The following TLN1 variants were observed in gnomAD, a reference collection of about 807,000 sequenced individuals.
The protein encoded by TLN1 is talin-1.
In TLN1, 56 loss-of-function variants were observed where a neutral mutation model predicts 292.3. That is an observed-to-expected ratio of 0.19 (90% CI 0.15 to 0.24). The LOEUF (loss-of-function observed/expected upper bound fraction) is 0.24. TLN1 is among the 10% of genes least tolerant of loss of function. The pLI, the probability that TLN1 is intolerant of heterozygous loss-of-function variation, is 1.00. For missense variants in TLN1, 2,433 were observed against 3,248.2 expected (o/e 0.75, Z 6.10); for synonymous variants, 1,119 against 1,253.7 (o/e 0.89, Z 2.27).
chr9:35,712,030 G>A lies in TLN1; in HGVS notation c.3656C>T (p.Ala1219Val), dbSNP rs376939605. The A allele has an allele frequency of 2.7e-5, 44 of 1,613,886 alleles. No individual in the cohort carries two copies. The highest frequency in any genetic ancestry group is 3.7e-5 in the Non-Finnish European group (44 of 1,180,016). ...CGAGTCACTCAGGAGTCGCTTGCTGGCATCTCCAACTGCCCTCAGGGCATT... is the reference window on the plus strand; with the variant it reads ...CGAGTCACTCAGGAGTCGCTTGCTGACATCTCCAACTGCCCTCAGGGCATT... ...VDNALRAVGD[A>V]SKRLLSDSLP... The change falls in exon 28 of 57, where the codon GCC becomes GTC. Residue 1219 changes from alanine to valine, a missense_variant. By Grantham distance (64) the Ala-to-Val change is moderately conservative (BLOSUM62 0). Transcript: ENST00000314888.
rs1227892113 is a variant in TLN1, at chr9:35,725,669, C to T, written c.26G>A (p.Ser9Asn). Reference sequence around the variant, plus strand: ...CATCGTCTTCACCACATTCCCAATGCTGATCTTCAGTGAAAGTGCAACCAT... The same window carrying T: ...CATCGTCTTCACCACATTCCCAATGTTGATCTTCAGTGAAAGTGCAACCAT... MVALSLKI[S>N]IGNVVKTMQF... Residue 9 changes from serine to asparagine, a missense_variant, in exon 2 of 57, where the codon AGC becomes AAC. Physicochemically the swap from Ser to Asn is conservative, Grantham distance 46. Transcript: ENST00000314888. 1 of 1,613,924 alleles carries T rather than the reference C, an allele frequency of 6.2e-7. No individual in the cohort carries two copies. Among genetic ancestry groups the T allele is most frequent in the East Asian group, 2.2e-5 (1 of 44,876 alleles).
chr9:35,724,285 C>A lies in TLN1; in HGVS notation c.561G>T (p.Glu187Asp). 1 of 1,614,194 alleles carries A rather than the reference C, an allele frequency of 6.2e-7. No individual in the cohort carries two copies. Among genetic ancestry groups the A allele is most frequent in the Non-Finnish European group, 8.5e-7 (1 of 1,180,032 alleles). ...GRTLREQGVE[E>D]HETLLLRRKF... ...TCCTCCGCAGCAGCAGCGTCTCGTG[C>A]TCCTCTACACCCTGCTCCCTCAGTG... Residue 187 changes from glutamate (E) to aspartate (D), a missense_variant, in exon 6 of 57, where the codon GAG becomes GAT. Coordinates refer to ENST00000314888, the MANE Select transcript of TLN1 (RefSeq NM_006289.4). The surrounding 1 kb of genome is among the most constrained non-coding windows in gnomAD (Gnocchi z 4.7).
chr9:35,717,005 A>G lies in TLN1; in HGVS notation c.2458+141T>C. The G allele has an allele frequency of 1.1e-6, 1 of 875,932 alleles. No homozygotes were observed. The highest frequency in any genetic ancestry group is 1.7e-6 in the Non-Finnish European group (1 of 585,740). 54.3% of individuals were successfully genotyped at this position (875,932 alleles called of 1,614,324 possible). ...GAGGGTTCAGAGAGCTTTAATGATG[A>G]GCCTATGGTTGTGTGGCTGGCAAGC... On this transcript the variant is annotated intron_variant, in intron 19 of 56. Transcript: ENST00000314888. This position sits in a 1 kb window ranked among gnomAD's most constrained non-coding sequence, Gnocchi z 4.7.
Position 35,707,488 on chromosome 9 carries a change from C to A in TLN1, c.4633G>T (p.Ala1545Ser). 1 of 1,613,734 alleles carries A rather than the reference C, an allele frequency of 6.2e-7. No homozygotes were observed. Among genetic ancestry groups the A allele is most frequent in the Non-Finnish European group, 8.5e-7 (1 of 1,179,780 alleles). Residue 1545 changes from alanine (A) to serine (S), a missense_variant and splice_region_variant, in exon 36 of 57, where the codon GCG (alanine) becomes TCG (serine). By Grantham distance (99) the Ala-to-Ser change is moderately conservative. Around this residue, in one of 7 missense-constraint regions of TLN1, gnomAD observed 1,384 missense variants for 1,699.6 expected, o/e 0.81. Transcript: ENST00000314888. The surrounding 1 kb of genome is among the most constrained non-coding windows in gnomAD (Gnocchi z 5.6). Reference protein sequence around the residue: ...STANLVKTIKALDGAFTEENR... With the variant: ...STANLVKTIKSLDGAFTEENR... ...TCCTCTGTGAAGGCCCCATCTAGCGCCTAGAAGTGACAGAGAGGCTCTCAG... is the reference window on the plus strand; with the variant it reads ...TCCTCTGTGAAGGCCCCATCTAGCGACTAGAAGTGACAGAGAGGCTCTCAG...
chr9:35,723,075 C>T, intron 7 of TLN1, 154 bp from the exon 8 acceptor site: 1 of 587,160 alleles, frequency 1.7e-6, no homozygotes. Flanking sequence ...AGATTATCTT[C>T]TGAAATAGAG....
At chr9:35,700,971 C>G (rs367775495) in intron 48 of TLN1, among the ~76,000 whole-genome samples, 12 of 152,104 alleles carry the variant, frequency 7.9e-5, no homozygotes, top group Non-Finnish European at 1.6e-4. Context: ...AATAAACAAG[C>G]AGCAAAACTG....
At chr9:35,728,776 C>T (rs963635989) in intron 1 of TLN1, among the ~76,000 whole-genome samples, 1 of 152,206 alleles carries the variant, frequency 6.6e-6, no homozygotes, top group Non-Finnish European at 1.5e-5. Flanking sequence ...AGCAAGCATT[C>T]CTTGAGGGCC....
At position 35,719,742 on chromosome 9, in the gene TLN1, C is replaced by T. The variant is rs1409613714; in HGVS notation, c.1576G>A (p.Ala526Thr). 1 of 1,609,880 alleles carries T rather than the reference C, an allele frequency of 6.2e-7. No individual in the cohort carries two copies. Among genetic ancestry groups the T allele is most frequent in the Non-Finnish European group, 8.5e-7 (1 of 1,177,916 alleles). The change falls in exon 14 of 57, where the codon GCT becomes ACT. Residue 526 changes from alanine (A) to threonine (T), a missense_variant and splice_region_variant. Around this residue, in one of 7 missense-constraint regions of TLN1, gnomAD observed 617 missense variants for 770.6 expected, o/e 0.80. Coordinates refer to ENST00000314888, the MANE Select transcript of TLN1 (RefSeq NM_006289.4). The surrounding 1 kb of genome is among the most constrained non-coding windows in gnomAD (Gnocchi z 4.6). ...FDTLPPLGQD[A>T]ASKAWRKNKM... ...CCTCTCCTCCATCCCATACTTACAG[C>T]ATCCTGGCCAAGAGGCGGCAGAGTG...
Position 35,703,971 on chromosome 9 carries a change from T to C in TLN1, c.6231+20A>G, listed in dbSNP as rs762975210. 2.4e-5 allele frequency: 38 copies of C among 1,612,506 alleles called. No individual in the cohort carries two copies. The highest frequency in any genetic ancestry group is 1.9e-4 in the South Asian group (17 of 91,056). Reference sequence around the variant, plus strand: ...GACAGGAAGTGATTCCAGCCGGAATTAGGGGCATCAGGTCACTACCTGGGT... The same window carrying C: ...GACAGGAAGTGATTCCAGCCGGAATCAGGGGCATCAGGTCACTACCTGGGT... On this transcript the variant is annotated intron_variant, in intron 46 of 56. Transcript: ENST00000314888.
In TLN1 at chr9:35,699,645, G is replaced by A; in HGVS notation, c.6769-184C>T. The A allele has an allele frequency of 1.0e-6, 1 of 985,394 alleles. No homozygotes were observed. Among genetic ancestry groups the A allele is most frequent in the Non-Finnish European group, 1.2e-6 (1 of 829,940 alleles). The allele number at this position is 985,394 out of a possible 1,614,324, so 61.0% of individuals were successfully genotyped here. A position where few individuals can be genotyped will look rare whatever the true frequency, so the allele number is the denominator to read the frequency against. ...TCACACCTCACACGTGATAGAGACA[G>A]TGGGGCTGTGTCACTCACCGGCTGA... On this transcript the variant is annotated intron_variant, in intron 50 of 56. Coordinates refer to ENST00000314888, the MANE Select transcript of TLN1 (RefSeq NM_006289.4). This position sits in a 1 kb window ranked among gnomAD's most constrained non-coding sequence, Gnocchi z 4.0.
chr9:35,712,191 G>T, intron 27 of TLN1, 67 bp from the exon 28 acceptor site: 1 of 1,539,710 alleles, frequency 6.5e-7, no homozygotes, highest in Non-Finnish European at 8.8e-7. Flanking sequence ...CCATTCACGC[G>T]ACATGGGAGA....
intron 27 of TLN1, among the ~76,000 whole-genome samples, 186 bp downstream of exon 27, chr9:35,712,648 CA>C (rs1282155556): frequency 0.02 from 1,471 of 72,206 alleles, 10 homozygotes; most frequent in African/African-American, 0.075. Context: ...AACTCTGTCT[CA>C]AAAAAAAAAA....
chr9:35,713,840 G>C, intron 25 of TLN1, 113 bp downstream of exon 25: 1 of 1,150,342 alleles, frequency 8.7e-7, no homozygotes, highest in Non-Finnish European at 1.2e-6. Context: ...AAATAAAAGA[G>C]AGAAAGAGAA....
chr9:35,704,516 C>T lies in TLN1; in HGVS notation c.5881-18G>A. ...TGGGAGACCTGGGTAGGGAATGTCA[C>T]ATGGTGACTGTGGAAGGTGCCATGT... is the stretch of plus-strand genomic sequence containing the variant. On this transcript the variant is annotated intron_variant, in intron 44 of 56. Transcript: ENST00000314888. The surrounding 1 kb of genome is among the most constrained non-coding windows in gnomAD (Gnocchi z 6.9). 1 of 1,596,412 alleles carries T rather than the reference C, an allele frequency of 6.3e-7. No individual in the cohort carries two copies. Among genetic ancestry groups the T allele is most frequent in the Non-Finnish European group, 8.5e-7 (1 of 1,169,832 alleles).
At chr9:35,711,131 T>G (rs756933224) in intron 30 of TLN1, 49 bp from the exon 31 acceptor site, 18 of 1,609,962 alleles carry the variant, frequency 1.1e-5, no homozygotes, top group Non-Finnish European at 1.4e-5. Context: ...TCATCATTCC[T>G]GGGTCCTATG....
chr9:35,707,164 T>A lies in TLN1; in HGVS notation c.4863A>T (p.Ala1621=). Residue 1621 remains alanine (A), a synonymous_variant, in exon 37 of 57, where the codon GCA becomes GCT. Transcript: ENST00000314888. The surrounding 1 kb of genome is among the most constrained non-coding windows in gnomAD (Gnocchi z 5.6). ...AGCTCGGGGGGTCCCGGGGATTGACTGCGAGGGCCCGGGCTGTCTGGATGA... is the reference window on the plus strand; with the variant it reads ...AGCTCGGGGGGTCCCGGGGATTGACAGCGAGGGCCCGGGCTGTCTGGATGA... The part of the protein sequence containing the change: ...GGLIQTARAL[A]VNPRDPPSWS... The A allele has an allele frequency of 6.2e-7, 1 of 1,610,512 alleles. No homozygotes were observed. The highest frequency in any genetic ancestry group is 1.1e-5 in the South Asian group (1 of 90,910).
chr9:35,707,206 T>C lies in TLN1; in HGVS notation c.4821A>G (p.Leu1607=). The change falls in exon 37 of 57, where the codon TTA becomes TTG. Residue 1607 remains leucine (L), a synonymous_variant. Transcript: ENST00000314888. The surrounding 1 kb of genome is among the most constrained non-coding windows in gnomAD (Gnocchi z 5.6). ...EPIVISAKTM[L]ESAGGLIQTA... The stretch of plus-strand genomic sequence containing the variant: ...TCTGGATGAGTCCCCCGGCACTCTC[T>C]AACATTGTCTTGGCAGAGATCACAA... 1 of 1,606,576 alleles carries C rather than the reference T, an allele frequency of 6.2e-7. No individual in the cohort carries two copies. Among genetic ancestry groups the C allele is most frequent in the Non-Finnish European group, 8.5e-7 (1 of 1,176,644 alleles).
rs752240881 is a variant in TLN1, at chr9:35,719,332, G to A, written c.1688-50C>T. ...ACATGAGAGACAGGGCAGGCCAGAC[G>A]AAGGGCTGGGGAGGGAGCAAAGTCA... On this transcript the variant is annotated intron_variant, in intron 15 of 56. Transcript: ENST00000314888. This position sits in a 1 kb window ranked among gnomAD's most constrained non-coding sequence, Gnocchi z 4.6. The A allele has an allele frequency of 5.7e-6, 9 of 1,572,112 alleles. No homozygotes were observed. The highest frequency in any genetic ancestry group is 2.3e-5 in the South Asian group (2 of 88,442).
rs570875813 is a variant in TLN1, at chr9:35,725,275, A to G, written c.177T>C (p.Gly59=). 70 of 1,614,054 alleles carry G rather than the reference A, an allele frequency of 4.3e-5. No homozygotes were observed. The East Asian group carries it at 1.4e-3, about 33-fold the overall frequency. Reference sequence around the variant, plus strand: ...AAGCTTTCCCAGCCTCCAGCCATATACCCTTTTTGGGGTCATCATCTGACA... The same window carrying G: ...AAGCTTTCCCAGCCTCCAGCCATATGCCCTTTTTGGGGTCATCATCTGACA... ...LFLSDDDPKK[G]IWLEAGKALD... is the part of the protein sequence containing the mutation. The change falls in exon 3 of 57, where the codon GGT becomes GGC. Residue 59 remains glycine, a synonymous_variant. Coordinates refer to ENST00000314888, the MANE Select transcript of TLN1 (RefSeq NM_006289.4).
Sources: gnomAD v4.1 joint callset for allele counts (sites outside exome capture counted in the v4.1 genomes callset) on GRCh38, gnomAD v4.1.1 for gene constraint, gnomAD v4.1.1 regional missense constraint, Gnocchi (gnomAD v3.1) non-coding constraint, MANE v1.5 for transcripts, NCBI Gene and HGNC (gene_info 2026-07-23, HGNC 2026-07-21) for gene names.